PEX3: variants seen among roughly 807,000 people sequenced by gnomAD.
The protein encoded by PEX3 is peroxisomal biogenesis factor 3, also known as peroxin-3.
A neutral mutation model predicts 55.8 loss-of-function variants in PEX3; 30 were observed. That is an observed-to-expected ratio of 0.54 (90% CI 0.40 to 0.73). The LOEUF is 0.73. PEX3 is among the 30% of genes least tolerant of loss of function. The probability of loss-of-function intolerance (pLI) is 0.00; values close to 1 mark genes in which losing one functional copy is unlikely to be tolerated. For missense variants in PEX3, 351 were observed against 432.8 expected (o/e 0.81, Z 1.68); for synonymous variants, 135 against 148.4 (o/e 0.91, Z 0.66).
chr6:143,455,728 G>C (rs1779837596), intron 1 of PEX3, among the ~76,000 whole-genome samples: 1 of 152,146 alleles, frequency 6.6e-6, no homozygotes, highest in Non-Finnish European at 1.5e-5. Context: ...AAAGTGAAGA[G>C]TTAGGGACCT....
intron 2 of PEX3, among the ~76,000 whole-genome samples, chr6:143,460,598 C>T (rs1230786323): frequency 6.6e-6 from 1 of 152,136 alleles, no homozygotes; most frequent in Non-Finnish European, 1.5e-5. Context: ...GGCATGGTGG[C>T]TCACGCCTGT....
intron 8 of PEX3, among the ~76,000 whole-genome samples, chr6:143,472,825 T>C (rs896923522): frequency 6.6e-6 from 1 of 152,218 alleles, no homozygotes. Flanking sequence ...TTAAAAAAGT[T>C]AATGATGAAA....
chr6:143,468,258 CT>C, intron 4 of PEX3, 93 bp downstream of exon 4: 1 of 828,836 alleles, frequency 1.2e-6, no homozygotes, highest in South Asian at 1.5e-5. Context: ...CTTTACCTGC[CT>C]TTTAGAATTG....
Position 143,453,069 on chromosome 6 carries a change from C to A in PEX3, c.73+1954C>A, listed in dbSNP as rs1779796748. Among the ~76,000 whole-genome samples the A allele has an allele frequency of 6.6e-6, 1 of 152,118 alleles. No homozygotes were observed. Among genetic ancestry groups the A allele is most frequent in the South Asian group, 2.1e-4 (1 of 4,816 alleles). On this transcript the variant is annotated intron_variant, in intron 1 of 11. Coordinates refer to ENST00000367591, the MANE Select transcript of PEX3 (RefSeq NM_003630.3). The surrounding 1 kb of genome is among the most constrained non-coding windows in gnomAD (Gnocchi z 4.6). ...TAGTGAAGGGGAACTGGAATTCAAA[C>A]CCAGGTGTGTTGGACCACAAAGCAC...
In PEX3 at chr6:143,485,398, C is replaced by T. The variant is rs974463164; in HGVS notation, c.1038+150C>T. 1.6e-5 allele frequency: 11 copies of T among 678,182 alleles called. No homozygotes were observed. The highest frequency in any genetic ancestry group is 1.4e-4 in the Admixed American group (7 of 48,522). The allele number at this position is 678,182 out of a possible 1,614,324, so 42.0% of individuals were successfully genotyped here. ...TACATGTAGAGTATGGTAGAGTGTC[C>T]CATGAGAGTAATAACGGACCATAGC... is the stretch of plus-strand genomic sequence containing the variant. On this transcript the variant is annotated intron_variant, in intron 11 of 11. Transcript: ENST00000367591. The surrounding 1 kb of genome is among the most constrained non-coding windows in gnomAD (Gnocchi z 5.6).
chr6:143,450,867 C>T lies in PEX3; in HGVS notation c.-176C>T. 2.6e-6 allele frequency: 2 copies of T among 773,466 alleles called. No individual in the cohort carries two copies. The highest frequency in any genetic ancestry group is 1.7e-5 in the African/African-American group (1 of 58,920). 47.9% of individuals were successfully genotyped at this position (773,466 alleles called of 1,614,324 possible). On this transcript the variant is annotated 5_prime_UTR_variant, in exon 1 of 12. The change creates a new upstream start codon in the 5' untranslated region. Coordinates refer to ENST00000367591, the MANE Select transcript of PEX3 (RefSeq NM_003630.3). Reference sequence around the variant, plus strand: ...AGCGTAGCTGCTTTGCTGTAGTCCACGCCCCCTTGCCGCTCCGGTGACAGT... The same window carrying T: ...AGCGTAGCTGCTTTGCTGTAGTCCATGCCCCCTTGCCGCTCCGGTGACAGT...
chr6:143,473,058 A>C (rs1274166970), intron 8 of PEX3, among the ~76,000 whole-genome samples: 1 of 152,178 alleles, frequency 6.6e-6, no homozygotes, highest in East Asian at 1.9e-4. Flanking sequence ...ATTCTTTGTA[A>C]TTGGGAGAAC....
chr6:143,489,973 G>A lies in PEX3; in HGVS notation c.*747G>A, dbSNP rs184546017. On this transcript the variant is annotated 3_prime_UTR_variant, in exon 12 of 12. Coordinates refer to ENST00000367591, the MANE Select transcript of PEX3 (RefSeq NM_003630.3). This position sits in a 1 kb window ranked among gnomAD's most constrained non-coding sequence, Gnocchi z 5.5. ...TTACTTTGTATTGATTTTGAATACA[G>A]TGAAAATCTTATTGCAATAAACTAT... 6.6e-6 allele frequency: 1 copy of A among 152,250 alleles called. No homozygotes were observed. The highest frequency in any genetic ancestry group is 1.9e-4 in the East Asian group (1 of 5,188). The allele number at this position is 152,250 out of a possible 1,614,324, so 9.4% of individuals were successfully genotyped here. A position where few individuals can be genotyped will look rare whatever the true frequency, so the allele number is the denominator to read the frequency against.
intron 3 of PEX3, among the ~76,000 whole-genome samples, chr6:143,467,236 AAC>A (rs1190138997): frequency 2.0e-5 from 3 of 152,066 alleles, no homozygotes; most frequent in African/African-American, 7.2e-5. Context: ...GACAAAAAGA[AAC>A]ACAGATGTAA....
At position 143,459,610 on chromosome 6, in the gene PEX3, G is replaced by A. The variant is rs562734956; in HGVS notation, c.205+394G>A. Among the ~76,000 whole-genome samples, 1 of 152,288 alleles carries A rather than the reference G, an allele frequency of 6.6e-6. No homozygotes were observed. Among genetic ancestry groups the A allele is most frequent in the South Asian group, 2.1e-4 (1 of 4,822 alleles). The stretch of plus-strand genomic sequence containing the variant: ...TTCTTTAAGACAGGGGATCAGTAGA[G>A]TCAGGTTTCTTTGAGGTAACATTTG... On this transcript the variant is annotated intron_variant, in intron 2 of 11. Coordinates refer to ENST00000367591, the MANE Select transcript of PEX3 (RefSeq NM_003630.3). The surrounding 1 kb of genome is among the most constrained non-coding windows in gnomAD (Gnocchi z 4.2).
intron 10 of PEX3, among the ~76,000 whole-genome samples, chr6:143,484,714 A>T (rs1780290163): frequency 1.3e-5 from 2 of 152,124 alleles, no homozygotes; most frequent in Non-Finnish European, 2.9e-5. Flanking sequence ...TCATGTTTAT[A>T]CAAAATCTTA....
chr6:143,479,343 A>G lies in PEX3; in HGVS notation c.941+145A>G. The stretch of plus-strand genomic sequence containing the variant: ...CAAATTAAACTCTGTTAAACCAACA[A>G]CTTCTTCACTAGCAGAAGCTCCTTC... On this transcript the variant is annotated intron_variant, in intron 10 of 11. Transcript: ENST00000367591. This position sits in a 1 kb window ranked among gnomAD's most constrained non-coding sequence, Gnocchi z 4.6. 2 of 635,006 alleles carry G rather than the reference A, an allele frequency of 3.1e-6. No homozygotes were observed. Among genetic ancestry groups the G allele is most frequent in the Non-Finnish European group, 5.7e-6 (2 of 353,552 alleles). 39.3% of individuals were successfully genotyped at this position (635,006 alleles called of 1,614,324 possible). A position where few individuals can be genotyped will look rare whatever the true frequency, so the allele number is the denominator to read the frequency against.
intron 10 of PEX3, chr6:143,484,850 G>C (rs1780291669): frequency 8.5e-6 from 3 of 351,336 alleles, no homozygotes; most frequent in South Asian, 7.7e-5. Context: ...AAACACTTTA[G>C]AACTTTTAAT....
In PEX3 at chr6:143,464,499, C is replaced by G. The variant is rs182594049; in HGVS notation, c.287+1502C>G. 6.6e-6 allele frequency among the ~76,000 whole-genome samples: 1 copy of G among 151,770 alleles called. No individual in the cohort carries two copies. Among genetic ancestry groups the G allele is most frequent in the African/African-American group, 2.4e-5 (1 of 41,466 alleles). Reference sequence around the variant, plus strand: ...GAAAATTTAGGAGTATCAAAAAAACCAAAGGATTAATTTTGATAGATTATC... The same window carrying G: ...GAAAATTTAGGAGTATCAAAAAAACGAAAGGATTAATTTTGATAGATTATC... On this transcript the variant is annotated intron_variant, in intron 3 of 11. Transcript: ENST00000367591. This position sits in a 1 kb window ranked among gnomAD's most constrained non-coding sequence, Gnocchi z 5.8.
rs1780339066 is a variant in PEX3, at chr6:143,487,683, C to T, written c.1039-1460C>T. On this transcript the variant is annotated intron_variant, in intron 11 of 11. Coordinates refer to ENST00000367591, the MANE Select transcript of PEX3 (RefSeq NM_003630.3). This position sits in a 1 kb window ranked among gnomAD's most constrained non-coding sequence, Gnocchi z 5.3. ...GTGGACCTGTCTGCTACTGTTCATG[C>T]TGTTGAGCATTCAGCCTGCATTTTC... Among the ~76,000 whole-genome samples, 1 of 151,816 alleles carries T rather than the reference C, an allele frequency of 6.6e-6. No individual in the cohort carries two copies. The highest frequency in any genetic ancestry group is 1.5e-5 in the Non-Finnish European group (1 of 67,926).
rs772474699 is a variant in PEX3, at chr6:143,471,369, T to C, written c.457-14T>C. On this transcript the variant is annotated splice_polypyrimidine_tract_variant and intron_variant, in intron 5 of 11. Transcript: ENST00000367591. This position sits in a 1 kb window ranked among gnomAD's most constrained non-coding sequence, Gnocchi z 5.4. ...AAAACTTGGATAATTGAACTGTATT[T>C]CTGTTTTATACAGACAATTCTTGCT... 18 of 1,572,812 alleles carry C rather than the reference T, an allele frequency of 1.1e-5. No homozygotes were observed. The highest frequency in any genetic ancestry group is 1.5e-5 in the Non-Finnish European group (17 of 1,143,354).
Position 143,451,029 on chromosome 6 carries a change from C to A in PEX3, c.-14C>A, listed in dbSNP as rs1052415652. On this transcript the variant is annotated 5_prime_UTR_variant, in exon 1 of 12. Coordinates refer to ENST00000367591, the MANE Select transcript of PEX3 (RefSeq NM_003630.3). The surrounding 1 kb of genome is among the most constrained non-coding windows in gnomAD (Gnocchi z 4.1). Reference sequence around the variant, plus strand: ...CCCTCACCCCTAGTCAGCCCACACCCCTAGGGCCTAAAGATGCTGAGGTCT... The same window carrying A: ...CCCTCACCCCTAGTCAGCCCACACCACTAGGGCCTAAAGATGCTGAGGTCT... 1.3e-6 allele frequency: 2 copies of A among 1,599,838 alleles called. No homozygotes were observed. The highest frequency in any genetic ancestry group is 2.2e-5 in the East Asian group (1 of 44,812).
Position 143,458,733 on chromosome 6 carries a change from C to T in PEX3, c.74-352C>T, listed in dbSNP as rs574733411. On this transcript the variant is annotated intron_variant, in intron 1 of 11. Coordinates refer to ENST00000367591, the MANE Select transcript of PEX3 (RefSeq NM_003630.3). The surrounding 1 kb of genome is among the most constrained non-coding windows in gnomAD (Gnocchi z 6.1). ...TTAGCAATGTGGTTTTTAATAACTA[C>T]ATAAGATTTCGTTGTATGGCTAGAC... Among the ~76,000 whole-genome samples, 73 of 152,260 alleles carry T rather than the reference C, an allele frequency of 4.8e-4. No homozygotes were observed. The highest frequency in any genetic ancestry group is 1.8e-3 in the African/African-American group (73 of 41,550).
chr6:143,470,738 T>C (rs1374318801), intron 4 of PEX3, among the ~76,000 whole-genome samples: 10 of 152,214 alleles, frequency 6.6e-5, no homozygotes, highest in African/African-American at 2.4e-4. Flanking sequence ...TTTCACCTAA[T>C]ATATTTCATT....
Sources: allele counts gnomAD v4.1 joint callset (sites outside exome capture counted in the v4.1 genomes callset), GRCh38; gene constraint gnomAD v4.1.1; non-coding constraint Gnocchi (gnomAD v3.1); transcripts MANE v1.5; gene names NCBI Gene and HGNC (gene_info 2026-07-23, HGNC 2026-07-21).